Variants in PAK5 observed in about 807,000 individuals in gnomAD.
PAK5 encodes the protein serine/threonine-protein kinase PAK 5.
A neutral mutation model predicts 65.9 loss-of-function variants in PAK5; 16 were observed. That is an observed-to-expected ratio of 0.24 (90% CI 0.16 to 0.37). The LOEUF (loss-of-function observed/expected upper bound fraction) is 0.37. Ranked by LOEUF, PAK5 falls within the 10% of genes least tolerant of loss-of-function variation. The probability of loss-of-function intolerance (pLI) is 1.00; values close to 1 mark genes in which losing one functional copy is unlikely to be tolerated. For missense variants in PAK5, 785 were observed against 903.9 expected, an observed-to-expected ratio of 0.87 and a Z score of 1.69; for synonymous variants, 371 against 354.9, an observed-to-expected ratio of 1.05 and a Z score of -0.51.
At chr20:9,622,955 T>G (rs1167763000) in intron 3 of PAK5, among the ~76,000 whole-genome samples, 1 of 152,234 alleles carries the variant, frequency 6.6e-6, no homozygotes, top group Non-Finnish European at 1.5e-5. Context: ...TAAGTAAGAC[T>G]GTCTAGGAAT....
At chr20:9,719,711 C>T (rs1349057301) in intron 1 of PAK5, among the ~76,000 whole-genome samples, 2 of 152,122 alleles carry the variant, frequency 1.3e-5, no homozygotes, top group African/African-American at 2.4e-5. Flanking sequence ...ATTGTGTTTG[C>T]CTTGTAAACT....
At chr20:9,779,479 T>C (rs1212663867) in intron 1 of PAK5, among the ~76,000 whole-genome samples, 1 of 133,758 alleles carries the variant, frequency 7.5e-6, no homozygotes, top group Non-Finnish European at 1.6e-5. Context: ...TGGCTTTTTT[T>C]CTGAGGAGTT....
At chr20:9,704,483 T>C (rs545196584) in intron 2 of PAK5, among the ~76,000 whole-genome samples, 1 of 152,276 alleles carries the variant, frequency 6.6e-6, no homozygotes, top group East Asian at 1.9e-4. Context: ...GCTTAAGTAA[T>C]TGTAATGCTG....
chr20:9,734,110 T>G (rs367947909), intron 1 of PAK5, among the ~76,000 whole-genome samples: 17 of 152,322 alleles, frequency 1.1e-4, no homozygotes, highest in African/African-American at 3.8e-4. Context: ...AATAGGTGAA[T>G]TTATCCTGTT....
rs2123018061 is a variant in PAK5 at position 9,580,694 on chromosome 20, C to T, written c.441G>A (p.Arg147=). 1 of 1,614,002 alleles carries T rather than the reference C, an allele frequency of 6.2e-7. No individual in the cohort carries two copies. The highest frequency in any genetic ancestry group is 8.5e-7 in the Non-Finnish European group (1 of 1,180,000). Residue 147 remains arginine, a synonymous_variant, in exon 4 of 10, where the codon AGG becomes AGA. Transcript: ENST00000353224. ...GATCATCTCCATAGAGACTCTTCTC[C>T]CTGTACTTTTCGGTCGTGTAGTCAG... ...TTADYTTEKY[R]EKSLYGDDLD...
At chr20:9,731,184 T>C (rs1371492334) in intron 1 of PAK5, among the ~76,000 whole-genome samples, 2 of 152,198 alleles carry the variant, frequency 1.3e-5, no homozygotes, top group Non-Finnish European at 2.9e-5. Flanking sequence ...GAAGTGAATA[T>C]AAAATGTCAA....
chr20:9,591,176 A>G (rs1046480228), intron 3 of PAK5, among the ~76,000 whole-genome samples: 1 of 152,156 alleles, frequency 6.6e-6, no homozygotes, highest in Non-Finnish European at 1.5e-5. Flanking sequence ...ACCCCTTTAT[A>G]AGAAGGAAGA....
chr20:9,707,094 A>G (rs2048017806), intron 2 of PAK5, among the ~76,000 whole-genome samples: 1 of 152,048 alleles, frequency 6.6e-6, no homozygotes, highest in Non-Finnish European at 1.5e-5. Flanking sequence ...CTTTAAATAC[A>G]TACTATCCTG....
At chr20:9,570,065 T>C (rs1401801332) in intron 4 of PAK5, among the ~76,000 whole-genome samples, 2 of 114,066 alleles carry the variant, frequency 1.8e-5, no homozygotes, top group Admixed American at 1.5e-4. Context: ...TTTAGTCAAA[T>C]CAGCCTCTGT....
chr20:9,690,125 C>T (rs917618706), intron 2 of PAK5, among the ~76,000 whole-genome samples: 2 of 152,198 alleles, frequency 1.3e-5, no homozygotes, highest in African/African-American at 4.8e-5. Flanking sequence ...GATAGAAAAA[C>T]TGTCAGCCGA....
chr20:9,757,815 T>C (rs940444428), intron 1 of PAK5, among the ~76,000 whole-genome samples: 1 of 152,208 alleles, frequency 6.6e-6, no homozygotes. Context: ...CCTCCTCTTC[T>C]TTCAAAATAC....
intron 3 of PAK5, among the ~76,000 whole-genome samples, chr20:9,637,757 G>A (rs893443125): frequency 2.0e-5 from 3 of 151,896 alleles, no homozygotes; most frequent in African/African-American, 7.3e-5. Context: ...CACATATGCC[G>A]AATAAAACTA....
chr20:9,612,911 C>G (rs1230455051), intron 3 of PAK5, among the ~76,000 whole-genome samples: 1 of 152,046 alleles, frequency 6.6e-6, no homozygotes, highest in Non-Finnish European at 1.5e-5. Flanking sequence ...CCCCATTAGA[C>G]TATACAATCT....
intron 2 of PAK5, among the ~76,000 whole-genome samples, chr20:9,673,211 C>T (rs867336630): frequency 2.0e-5 from 3 of 152,100 alleles, no homozygotes; most frequent in Non-Finnish European, 4.4e-5. Flanking sequence ...GCACCTAATC[C>T]TTAATGTGTT....
intron 1 of PAK5, among the ~76,000 whole-genome samples, chr20:9,734,552 G>GCACACACACACACACACACACACA (rs56706449): frequency 5.2e-4 from 77 of 149,470 alleles, no homozygotes; most frequent in African/African-American, 4.4e-4. Context: ...ACGCGCACAT[G>GCACACACACACACACACACACACA]CACACACACA....
rs768404107 is a variant in PAK5, at chr20:9,580,389, C to T, written c.746G>A (p.Ser249Asn). 6 of 1,613,922 alleles carry T rather than the reference C, an allele frequency of 3.7e-6. No homozygotes were observed. Among genetic ancestry groups the T allele is most frequent in the Admixed American group, 1.7e-5 (1 of 59,982 alleles). The change falls in exon 4 of 10, where the codon AGC becomes AAC. Residue 249 changes from serine (S) to asparagine (N), a missense_variant. This residue lies in a region of PAK5 where 422 missense variants were observed against 413.3 expected (regional missense o/e 1.02). Transcript: ENST00000353224. The part of the protein sequence containing the change: ...TAGTSGCSKE[S>N]LAYSESEWGP... Reference sequence around the variant, plus strand: ...CCATTCACTTTCACTGTACGCCAGGCTCTCCTTGGAGCACCCGCTGGTCCC... The same window carrying T: ...CCATTCACTTTCACTGTACGCCAGGTTCTCCTTGGAGCACCCGCTGGTCCC...
chr20:9,666,335 T>C (rs2047416909), intron 2 of PAK5, among the ~76,000 whole-genome samples: 1 of 118,332 alleles, frequency 8.5e-6, no homozygotes, highest in Non-Finnish European at 1.7e-5. Context: ...CCAGTGACAA[T>C]AACAGAAAGA....
At chr20:9,631,395 A>C (rs1301930284) in intron 3 of PAK5, among the ~76,000 whole-genome samples, 3 of 152,202 alleles carry the variant, frequency 2.0e-5, no homozygotes, top group Admixed American at 6.5e-5. Context: ...CTGTGAGTAC[A>C]TTATTATATA....
chr20:9,603,446 T>A (rs989012311), intron 3 of PAK5, among the ~76,000 whole-genome samples: 1 of 152,198 alleles, frequency 6.6e-6, no homozygotes, highest in African/African-American at 2.4e-5. Context: ...CCTATTTATA[T>A]CAGAGAATCA....
Sources: gnomAD v4.1 joint callset for allele counts (sites outside exome capture counted in the v4.1 genomes callset) on GRCh38, gnomAD v4.1.1 for gene constraint, gnomAD v4.1.1 regional missense constraint, MANE v1.5 for transcripts, NCBI Gene and HGNC (gene_info 2026-07-23, HGNC 2026-07-21) for gene names.